Variants in SEMA3A observed in about 807,000 individuals in gnomAD.
SEMA3A encodes the protein semaphorin 3A, also known as semaphorin-3A.
Under a neutral mutation model 97.9 loss-of-function variants are expected in SEMA3A, and 29 were observed. The ratio of observed to expected loss-of-function variants is 0.30; its 90% CI spans 0.22 to 0.40. The LOEUF (loss-of-function observed/expected upper bound fraction) is 0.40. SEMA3A is among the 10% of genes least tolerant of loss of function. SEMA3A has a pLI of 1.00. For missense variants in SEMA3A, 763 were observed against 951.3 expected, an observed-to-expected ratio of 0.80 and a Z score of 2.60; for synonymous variants, 321 against 323.7, an observed-to-expected ratio of 0.99 and a Z score of 0.09.
At chr7:84,005,270 C>CAAAG (rs1462250113) in intron 11 of SEMA3A, 69 bp downstream of exon 11, 2 of 1,162,460 alleles carry the variant, frequency 1.7e-6, no homozygotes, top group East Asian at 2.3e-5. Flanking sequence ...CTGAGATGTT[C>CAAAG]AAAGATCAAC....
chr7:83,985,333 T>A (rs1789580953), intron 13 of SEMA3A, 103 bp downstream of exon 13: 2 of 814,350 alleles, frequency 2.5e-6, no homozygotes, highest in Non-Finnish European at 4.0e-6. Context: ...TATTTTTGTA[T>A]AATTGTTAAC....
At position 84,375,352 on chromosome 7, in the gene SEMA3A, C is replaced by A. The variant is rs115961548; in HGVS notation, c.-245-3452G>T. On this transcript the variant is annotated intron_variant, in intron 1 of 3. Coordinates refer to the SEMA3A transcript ENST00000424555. ...GTAATATTATTGAGGGCATTGAGTG[C>A]GCAAAGTACCAAGCTCCATTCATTG... Among the ~76,000 whole-genome samples, 570 of 152,088 alleles carry A rather than the reference C, an allele frequency of 3.7e-3. 3 individuals carry two copies. Among genetic ancestry groups the A allele is most frequent in the African/African-American group, 0.013 (534 of 41,512 alleles).
intron 1 of SEMA3A, among the ~76,000 whole-genome samples, chr7:84,404,175 T>A (rs1562934826): frequency 6.6e-6 from 1 of 151,922 alleles, no homozygotes. Context: ...ATAACTGGAA[T>A]AAACAGTGCA....
intron 6 of SEMA3A, among the ~76,000 whole-genome samples, chr7:84,020,886 T>G (rs1791303939): frequency 6.6e-6 from 1 of 152,204 alleles, no homozygotes; most frequent in African/African-American, 2.4e-5. Flanking sequence ...AAAATAAATA[T>G]GAATGCATTT....
intron 1 of SEMA3A, among the ~76,000 whole-genome samples, chr7:84,141,701 GTTGTTCCCCTCTATGTA>G (rs1796296504): frequency 6.6e-6 from 1 of 151,964 alleles, no homozygotes; most frequent in South Asian, 2.1e-4. Flanking sequence ...GTGTGTGGTT[GTTGTTCCCCTCTATGTA>G]TTGTTCCCCT....
At chr7:84,349,907 C>A (rs1428726332) in intron 2 of SEMA3A, among the ~76,000 whole-genome samples, 1 of 152,004 alleles carries the variant, frequency 6.6e-6, no homozygotes, top group Non-Finnish European at 1.5e-5. Flanking sequence ...TAACTCTAGC[C>A]CAGATTTTCC....
intron 5 of SEMA3A, among the ~76,000 whole-genome samples, chr7:84,051,996 T>C (rs1411436238): frequency 6.6e-6 from 1 of 151,552 alleles, no homozygotes; most frequent in Non-Finnish European, 1.5e-5. Context: ...TGGTTCTGTT[T>C]ATATGCTGGA....
intron 4 of SEMA3A, among the ~76,000 whole-genome samples, chr7:84,089,845 C>T (rs928192585): frequency 4.0e-5 from 6 of 151,684 alleles, no homozygotes; most frequent in African/African-American, 9.7e-5. Flanking sequence ...TACTATCAGA[C>T]TAAATTTTAA....
At chr7:84,406,635 T>C (rs1804098535) in intron 1 of SEMA3A, among the ~76,000 whole-genome samples, 1 of 152,086 alleles carries the variant, frequency 6.6e-6, no homozygotes, top group African/African-American at 2.4e-5. Context: ...TGATGAACAT[T>C]GATGCAAAAA....
chr7:84,290,539 G>A (rs977881703), intron 3 of SEMA3A, among the ~76,000 whole-genome samples: 8 of 151,532 alleles, frequency 5.3e-5, no homozygotes, highest in African/African-American at 1.5e-4. Flanking sequence ...TTCCTTTCAC[G>A]TGACAGCCTT....
intron 6 of SEMA3A, among the ~76,000 whole-genome samples, chr7:84,016,089 T>C (rs1050157460): frequency 1.3e-5 from 2 of 152,028 alleles, no homozygotes; most frequent in Admixed American, 1.3e-4. Context: ...TAAATATGCA[T>C]ATATAGTGAG....
At chr7:84,089,276 A>T (rs1407424447) in intron 4 of SEMA3A, among the ~76,000 whole-genome samples, 1 of 152,210 alleles carries the variant, frequency 6.6e-6, no homozygotes, top group Non-Finnish European at 1.5e-5. Flanking sequence ...GTATACGCAC[A>T]TATAATGCAA....
chr7:84,439,443 A>C (rs903779625), intron 1 of SEMA3A, among the ~76,000 whole-genome samples: 1 of 152,214 alleles, frequency 6.6e-6, no homozygotes, highest in Non-Finnish European at 1.5e-5. Flanking sequence ...ACTGACTGCA[A>C]TGCTAGTTTT....
intron 1 of SEMA3A, among the ~76,000 whole-genome samples, chr7:84,384,383 C>A (rs139350422): frequency 4.3e-4 from 65 of 152,158 alleles, no homozygotes; most frequent in Non-Finnish European, 8.4e-4. Context: ...ACATATAAAT[C>A]TGTTAAAAAT....
At chr7:84,126,624 A>G (rs1795805889) in intron 3 of SEMA3A, among the ~76,000 whole-genome samples, 1 of 152,180 alleles carries the variant, frequency 6.6e-6, no homozygotes, top group Admixed American at 6.6e-5. Flanking sequence ...AGCCATTTCT[A>G]TTCATCCTCA....
At chr7:84,324,124 G>A (rs775844788) in intron 2 of SEMA3A, among the ~76,000 whole-genome samples, 1 of 152,168 alleles carries the variant, frequency 6.6e-6, no homozygotes, top group Non-Finnish European at 1.5e-5. Flanking sequence ...TGATGGCAGA[G>A]CCAATTTAAA....
chr7:83,996,147 C>T (rs534914267), intron 12 of SEMA3A, among the ~76,000 whole-genome samples: 2 of 152,218 alleles, frequency 1.3e-5, no homozygotes, highest in African/African-American at 4.8e-5. Flanking sequence ...AAATCCCAAA[C>T]TGACTAGTTA....
intron 1 of SEMA3A, among the ~76,000 whole-genome samples, chr7:84,433,343 T>C (rs1323704759): frequency 6.6e-6 from 1 of 151,904 alleles, no homozygotes; most frequent in African/African-American, 2.4e-5. Flanking sequence ...TTTCTGTTCT[T>C]GTGTTAGTTT....
At chr7:84,486,820 C>T (rs1806585962) in intron 1 of SEMA3A, among the ~76,000 whole-genome samples, 1 of 151,708 alleles carries the variant, frequency 6.6e-6, no homozygotes, top group African/African-American at 2.4e-5. Flanking sequence ...TGAGAGTGAC[C>T]AAAAATATTA....
Sources: allele counts gnomAD v4.1 joint callset (sites outside exome capture counted in the v4.1 genomes callset), GRCh38; gene constraint gnomAD v4.1.1; transcripts MANE v1.5; gene names NCBI Gene and HGNC (gene_info 2026-07-23, HGNC 2026-07-21).